The following LYST variants were observed in gnomAD, a reference collection of about 807,000 sequenced individuals.
The protein encoded by LYST is lysosomal-trafficking regulator.
In LYST, 192 loss-of-function variants were observed where a neutral mutation model predicts 413.6. That is an observed-to-expected ratio of 0.46 (90% CI 0.41 to 0.52). The LOEUF (loss-of-function observed/expected upper bound fraction) is 0.52. Ranked by LOEUF, LYST falls within the 20% of genes least tolerant of loss-of-function variation. LYST has a pLI of 0.00. For synonymous variants in LYST, 1,525 were observed against 1,567.3 expected, an observed-to-expected ratio of 0.97 and a Z score of 0.64; for missense variants, 3,815 against 4,499.9, an observed-to-expected ratio of 0.85 and a Z score of 4.35.
rs772671228 is a variant in LYST, at chr1:235,806,242, G to A, written c.2894C>T (p.Ser965Phe). The A allele has an allele frequency of 4.3e-6, 7 of 1,613,946 alleles. No homozygotes were observed. The South Asian group carries it at 7.7e-5, about 18-fold the overall frequency. The change falls in exon 6 of 53, where the codon TCT becomes TTT. Residue 965 changes from serine to phenylalanine, a missense_variant. Around this residue, in one of 4 missense-constraint regions of LYST, gnomAD observed 1,648 missense variants for 1,810.3 expected, o/e 0.91. Transcript: ENST00000389793. ...EHMHQAADIWSMCRWIYMLSS... is the reference protein window; with the variant it reads ...EHMHQAADIWFMCRWIYMLSS... ...CAACATGTAGATCCAACGACACATA[G>A]ACCAAATGTCTGCTGCTTGGTGCAT...
chr1:235,821,027 C>T (rs1241403057), intron 3 of LYST, among the ~76,000 whole-genome samples: 1 of 152,254 alleles, frequency 6.6e-6, no homozygotes, highest in Non-Finnish European at 1.5e-5. Context: ...TCCATCTTTC[C>T]CACATTTAGC....
chr1:235,843,180 G>C (rs1447332576), intron 1 of LYST, among the ~76,000 whole-genome samples: 1 of 149,748 alleles, frequency 6.7e-6, no homozygotes, highest in African/African-American at 2.6e-5. Context: ...AGTGGCCACA[G>C]TGATAAGAAG....
chr1:235,739,484 T>C (rs1396902779), intron 31 of LYST, among the ~76,000 whole-genome samples: 1 of 152,178 alleles, frequency 6.6e-6, no homozygotes, highest in East Asian at 1.9e-4. Context: ...AAGGATCTTA[T>C]TTTGTGAACT....
At chr1:235,713,356 G>A (rs1378901836) in intron 42 of LYST, among the ~76,000 whole-genome samples, 1 of 152,150 alleles carries the variant, frequency 6.6e-6, no homozygotes, top group Non-Finnish European at 1.5e-5. Flanking sequence ...AATTTTGTAA[G>A]GCTATGGTGA....
chr1:235,714,296 C>T (rs1244316991), intron 42 of LYST, among the ~76,000 whole-genome samples: 2 of 151,954 alleles, frequency 1.3e-5, no homozygotes, highest in African/African-American at 2.4e-5. Context: ...CTCAATCTGC[C>T]GTCAAATTAA....
chr1:235,876,666 C>T (rs964442358), intron 1 of LYST, among the ~76,000 whole-genome samples: 5 of 152,122 alleles, frequency 3.3e-5, no homozygotes, highest in Non-Finnish European at 2.9e-5. Context: ...ATGTGACATC[C>T]TGTTTGTTAG....
At chr1:235,870,358 C>A (rs1252810855), upstream of LYST, among the ~76,000 whole-genome samples, 1 of 152,228 alleles carries the variant, frequency 6.6e-6, no homozygotes, top group African/African-American at 2.4e-5. Context: ...ATGTAGCCAA[C>A]TGTTTGAACT....
rs1291892090 is a variant in LYST at position 235,677,520 on chromosome 1, C to T, written c.10900G>A (p.Val3634Met). Residue 3634 changes from valine (V) to methionine (M), a missense_variant, in exon 49 of 53, where the codon GTG (valine) becomes ATG (methionine). Val to Met is a conservative substitution (Grantham distance 21). Coordinates refer to ENST00000389793, the MANE Select transcript of LYST (RefSeq NM_000081.4). ...VCKPYSILIS[V>M]SRDGTCIIWD... ...ATGATGCAGGTTCCGTCTCTGCTCA[C>T]ACTTATCAGTATACTGTATGGTTTG... is the stretch of plus-strand genomic sequence containing the variant. The T allele has an allele frequency of 1.9e-6, 3 of 1,613,556 alleles. No individual in the cohort carries two copies. The highest frequency in any genetic ancestry group is 3.3e-5 in the Admixed American group (2 of 60,004).
chr1:235,786,545 C>T (rs954541063), intron 14 of LYST, among the ~76,000 whole-genome samples: 7 of 152,178 alleles, frequency 4.6e-5, no homozygotes, highest in African/African-American at 9.7e-5. Context: ...CATCCCATTA[C>T]TGGGTATATA....
Position 235,809,236 on chromosome 1 carries a change from C to T in LYST, c.1582G>A (p.Val528Ile), listed in dbSNP as rs768575443. The T allele has an allele frequency of 1.9e-6, 3 of 1,613,710 alleles. No homozygotes were observed. The Admixed American group carries it at 5.0e-5, about 27-fold the overall frequency. ...GLLVSAFKNQVSKNPFEETAD... is the reference protein window; with the variant it reads ...GLLVSAFKNQISKNPFEETAD... ...GTCTCTTCAAATGGGTTTTTGGAAA[C>T]CTGGTTTTTAAAAGCCGAAACCAGA... Residue 528 changes from valine (V) to isoleucine (I), a missense_variant, in exon 5 of 53, where the codon GTT becomes ATT. Val to Ile is a conservative substitution (Grantham distance 29). Around this residue, in one of 4 missense-constraint regions of LYST, gnomAD observed 1,648 missense variants for 1,810.3 expected, o/e 0.91. Coordinates refer to ENST00000389793, the MANE Select transcript of LYST (RefSeq NM_000081.4). This position sits in a 1 kb window ranked among gnomAD's most constrained non-coding sequence, Gnocchi z 4.0.
At chr1:235,866,097 G>A (rs1282998600) in intron 1 of LYST, among the ~76,000 whole-genome samples, 1 of 152,120 alleles carries the variant, frequency 6.6e-6, no homozygotes, top group Non-Finnish European at 1.5e-5. Context: ...GTATCCCCTG[G>A]ACCATTAAAC....
intron 48 of LYST, among the ~76,000 whole-genome samples, chr1:235,678,677 T>G (rs1659574279): frequency 6.6e-6 from 1 of 152,202 alleles, no homozygotes; most frequent in Non-Finnish European, 1.5e-5. Flanking sequence ...ATTTTTTAAA[T>G]AAAGCATTAA....
chr1:235,679,984 GCT>G (rs748498238), intron 48 of LYST, among the ~76,000 whole-genome samples: 21 of 143,056 alleles, frequency 1.5e-4, no homozygotes, highest in Admixed American at 2.8e-4. Context: ...TGCTTTTAAG[GCT>G]CTCTCTCTCT....
chr1:235,728,343 A>T (rs1664080662), intron 37 of LYST, among the ~76,000 whole-genome samples: 1 of 152,200 alleles, frequency 6.6e-6, no homozygotes, highest in South Asian at 2.1e-4. Flanking sequence ...TTATTAAAAA[A>T]AAAGGTTGCA....
At chr1:235,828,930 T>G in intron 3 of LYST, 1 of 884,476 alleles carries the variant, frequency 1.1e-6, no homozygotes, top group Non-Finnish European at 1.4e-6. Context: ...CTTGGCTGGG[T>G]GCAGTGGCTC....
At chr1:235,860,628 T>C (rs1332643097) in intron 1 of LYST, among the ~76,000 whole-genome samples, 1 of 152,228 alleles carries the variant, frequency 6.6e-6, no homozygotes, top group Non-Finnish European at 1.5e-5. Flanking sequence ...CTTAGTGATA[T>C]GCACTAAAGA....
Position 235,793,554 on chromosome 1 carries a change from T to C in LYST, c.4065A>G (p.Ser1355=), listed in dbSNP as rs371738691. The change falls in exon 11 of 53, where the codon TCA becomes TCG. Residue 1355 remains serine (S), a synonymous_variant. Transcript: ENST00000389793. Reference sequence around the variant, plus strand: ...TTCTCAAAAGAAGGGTTAGCTCTTCTGAACATGTTCTTGAACTCATCAAAG... The same window carrying C: ...TTCTCAAAAGAAGGGTTAGCTCTTCCGAACATGTTCTTGAACTCATCAAAG... ...LVSLMSSRTC[S]EELTLLLRIF... 25 of 1,602,376 alleles carry C rather than the reference T, an allele frequency of 1.6e-5. No individual in the cohort carries two copies. Among genetic ancestry groups the C allele is most frequent in the African/African-American group, 6.7e-5 (5 of 74,680 alleles).
intron 1 of LYST, among the ~76,000 whole-genome samples, chr1:235,849,832 T>C (rs2145785): frequency 0.93 from 136,466 of 147,486 alleles, 63,194 homozygotes; most frequent in East Asian, 1. Flanking sequence ...AATTGAAAGA[T>C]CTCTACAAGG....
intron 3 of LYST, among the ~76,000 whole-genome samples, chr1:235,816,104 T>TG (rs1445677752): frequency 1.9e-5 from 2 of 103,878 alleles, no homozygotes. Flanking sequence ...CACTCCAGCC[T>TG]GGCAACAAAG....
Sources: allele counts gnomAD v4.1 joint callset (sites outside exome capture counted in the v4.1 genomes callset), GRCh38; gene constraint gnomAD v4.1.1; regional missense constraint gnomAD v4.1.1; non-coding constraint Gnocchi (gnomAD v3.1); transcripts MANE v1.5; gene names NCBI Gene and HGNC (gene_info 2026-07-23, HGNC 2026-07-21).